PHACTR1: variants seen among roughly 807,000 people sequenced by gnomAD.
PHACTR1 encodes RPEL repeat containing 1.
A neutral mutation model predicts 69.2 loss-of-function variants in PHACTR1; 16 were observed. The observed-to-expected ratio is 0.23, with a 90% CI of 0.16 to 0.35. PHACTR1 has a LOEUF of 0.35. Ranked by LOEUF, PHACTR1 falls within the 10% of genes least tolerant of loss-of-function variation. PHACTR1 has a pLI of 1.00. For missense variants in PHACTR1, 510 were observed against 734.7 expected (o/e 0.69, Z 3.54); for synonymous variants, 312 against 284.5 (o/e 1.10, Z -0.97).
chr6:13,064,579 T>G (rs1808250191), intron 5 of PHACTR1, among the ~76,000 whole-genome samples: 2 of 4,992 alleles, frequency 4.0e-4, no homozygotes, highest in African/African-American at 2.2e-3. Context: ...TATATATATA[T>G]ATATATATAT....
At chr6:13,071,400 C>G (rs1019435947) in intron 5 of PHACTR1, among the ~76,000 whole-genome samples, 13 of 152,060 alleles carry the variant, frequency 8.5e-5, no homozygotes, top group African/African-American at 3.1e-4. Context: ...TGCACTCCAG[C>G]CTGGGTGACA....
Position 13,283,601 on chromosome 6 carries a change from C to G in PHACTR1, c.1650+39C>G. Reference sequence around the variant, plus strand: ...AGTGCTGGAGAGTGGGAGGCAGGACCGTCTGCTGGGTCTCGCTGGGCTCAC... The same window carrying G: ...AGTGCTGGAGAGTGGGAGGCAGGACGGTCTGCTGGGTCTCGCTGGGCTCAC... On this transcript the variant is annotated intron_variant, in intron 13 of 14. Coordinates refer to ENST00000332995, the MANE Select transcript of PHACTR1 (RefSeq NM_030948.6). This position sits in a 1 kb window ranked among gnomAD's most constrained non-coding sequence, Gnocchi z 4.7. 6.2e-7 allele frequency: 1 copy of G among 1,613,216 alleles called. No homozygotes were observed. The highest frequency in any genetic ancestry group is 1.1e-5 in the South Asian group (1 of 91,046).
intron 3 of PHACTR1, among the ~76,000 whole-genome samples, chr6:12,740,718 C>G (rs1026773775): frequency 6.6e-6 from 1 of 151,820 alleles, no homozygotes; most frequent in Non-Finnish European, 1.5e-5. Flanking sequence ...AGGTGTCTTT[C>G]TCATTTTTTT....
chr6:13,249,257 C>G (rs921744115), intron 10 of PHACTR1, among the ~76,000 whole-genome samples: 1 of 152,088 alleles, frequency 6.6e-6, no homozygotes, highest in Admixed American at 6.5e-5. Context: ...GCATTAGATT[C>G]TCAGAACTGT....
rs1761876709 is a variant in PHACTR1 at position 13,179,446 on chromosome 6, T to TGTGTA, written c.497-3073_497-3072insGTGTA. ...TGTGTGTGTGTGTGTGTGTGTGTGT[T>TGTGTA]TAAAAATGTCATAATAAAAAATTTA... On this transcript the variant is annotated intron_variant, in intron 6 of 14. Transcript: ENST00000332995. This position sits in a 1 kb window ranked among gnomAD's most constrained non-coding sequence, Gnocchi z 4.2. 1.2e-5 allele frequency among the ~76,000 whole-genome samples: 1 copy of TGTGTA among 85,330 alleles called. No individual in the cohort carries two copies. 56.0% of individuals were successfully genotyped at this position (85,330 alleles called of 152,430 possible). A position where few individuals can be genotyped will look rare whatever the true frequency, so the allele number is the denominator to read the frequency against.
In PHACTR1 at chr6:13,151,392, A is replaced by G. The variant is rs73723393; in HGVS notation, c.416-8812A>G. Among the ~76,000 whole-genome samples, 229 of 152,350 alleles carry G rather than the reference A, an allele frequency of 1.5e-3. 1 individual carries two copies. Among genetic ancestry groups the G allele is most frequent in the African/African-American group, 4.9e-3 (202 of 41,578 alleles). ...CATCAATACTTAAAAGTCATGGAACATAAGAGTTTCTTTCTTCCATCAGTA... is the reference window on the plus strand; with the variant it reads ...CATCAATACTTAAAAGTCATGGAACGTAAGAGTTTCTTTCTTCCATCAGTA... On this transcript the variant is annotated intron_variant, in intron 5 of 14. Transcript: ENST00000332995.
At position 13,145,097 on chromosome 6, in the gene PHACTR1, G is replaced by A. The variant is rs548354327; in HGVS notation, c.416-15107G>A. Among the ~76,000 whole-genome samples, 34 of 152,250 alleles carry A rather than the reference G, an allele frequency of 2.2e-4. 1 individual carries two copies. Among genetic ancestry groups the A allele is most frequent in the South Asian group, 6.2e-4 (3 of 4,824 alleles). On this transcript the variant is annotated intron_variant, in intron 5 of 14. Coordinates refer to ENST00000332995, the MANE Select transcript of PHACTR1 (RefSeq NM_030948.6). The stretch of plus-strand genomic sequence containing the variant: ...GAAGCAGTTATTGTGCATATCCTCC[G>A]TGAGCATGTCTATTCTGCTTTGGTA...
chr6:12,799,490 T>C (rs940257016), intron 4 of PHACTR1, among the ~76,000 whole-genome samples: 1 of 152,164 alleles, frequency 6.6e-6, no homozygotes, highest in Non-Finnish European at 1.5e-5. Context: ...AAAAAAGGCA[T>C]TCACAATACC....
At chr6:13,113,147 G>A (rs973972033) in intron 5 of PHACTR1, among the ~76,000 whole-genome samples, 4 of 152,228 alleles carry the variant, frequency 2.6e-5, no homozygotes, top group Non-Finnish European at 5.9e-5. Context: ...GGTGCAGTGA[G>A]CTATGATCAT....
At chr6:12,963,677 G>A (rs1396863761) in intron 4 of PHACTR1, among the ~76,000 whole-genome samples, 9 of 152,122 alleles carry the variant, frequency 5.9e-5, no homozygotes, top group Admixed American at 2.6e-4. Context: ...TCAATCATGA[G>A]TAGACAGACT....
intron 4 of PHACTR1, among the ~76,000 whole-genome samples, chr6:12,841,241 G>A (rs1282885721): frequency 6.6e-6 from 1 of 152,204 alleles, no homozygotes; most frequent in Admixed American, 6.5e-5. Flanking sequence ...TAAGCTGTCA[G>A]ATGAAGCCCT....
chr6:12,895,615 T>C (rs1183975726), intron 4 of PHACTR1, among the ~76,000 whole-genome samples: 11 of 152,128 alleles, frequency 7.2e-5, no homozygotes, highest in Admixed American at 7.2e-4. Context: ...GGTGCAGCAA[T>C]GGTGGTAACT....
At chr6:13,200,780 A>T (rs150325671) in intron 7 of PHACTR1, among the ~76,000 whole-genome samples, 4,221 of 148,530 alleles carry the variant, frequency 0.028, 205 homozygotes, top group African/African-American at 0.096. Context: ...CTAAAAATGA[A>T]AAAAAAAAAA....
chr6:12,828,475 G>A (rs920876054), intron 4 of PHACTR1, among the ~76,000 whole-genome samples: 1 of 152,042 alleles, frequency 6.6e-6, no homozygotes, highest in Non-Finnish European at 1.5e-5. Context: ...ACTCTATGGT[G>A]GAATTTCTAT....
intron 4 of PHACTR1, among the ~76,000 whole-genome samples, chr6:12,930,003 T>A: frequency 6.6e-6 from 1 of 152,054 alleles, no homozygotes; most frequent in East Asian, 1.9e-4. Flanking sequence ...AATACTGCAG[T>A]ATCTTAGTTA....
intron 4 of PHACTR1, among the ~76,000 whole-genome samples, chr6:12,927,968 CA>C (rs1217420707): frequency 1.3e-5 from 2 of 152,194 alleles, no homozygotes; most frequent in Non-Finnish European, 2.9e-5. Context: ...CTTGCTCTGC[CA>C]CCAGCATTGT....
intron 4 of PHACTR1, among the ~76,000 whole-genome samples, chr6:12,980,845 A>T (rs892803560): frequency 6.6e-6 from 1 of 152,152 alleles, no homozygotes; most frequent in African/African-American, 2.4e-5. Flanking sequence ...ATTTTTCAGA[A>T]ATCCCCAAGT....
chr6:12,821,052 CT>C (rs1776148128), intron 4 of PHACTR1, among the ~76,000 whole-genome samples: 1 of 152,092 alleles, frequency 6.6e-6, no homozygotes, highest in African/African-American at 2.4e-5. Flanking sequence ...CAGGAAGGAC[CT>C]TTAGTTTACT....
intron 10 of PHACTR1, among the ~76,000 whole-genome samples, chr6:13,269,322 A>G (rs576768443): frequency 6.6e-6 from 1 of 152,350 alleles, no homozygotes; most frequent in East Asian, 1.9e-4. Context: ...AGATCTTTCA[A>G]CGTGGAGTTG....
Sources: gnomAD v4.1 joint callset for allele counts (sites outside exome capture counted in the v4.1 genomes callset) on GRCh38, gnomAD v4.1.1 for gene constraint, Gnocchi (gnomAD v3.1) non-coding constraint, MANE v1.5 for transcripts, NCBI Gene and HGNC (gene_info 2026-07-23, HGNC 2026-07-21) for gene names.